WDR70: variants seen among roughly 807,000 people sequenced by gnomAD.
The protein encoded by WDR70 is WD repeat-containing protein 70.
WDR70 carries 53 observed loss-of-function variants against 88.6 expected under a neutral mutation model. The observed-to-expected ratio is 0.60, with a 90% CI of 0.48 to 0.75. WDR70 has a LOEUF of 0.75. Ranked by LOEUF, WDR70 falls within the 30% of genes least tolerant of loss-of-function variation. The probability of loss-of-function intolerance (pLI) is 0.00; values close to 1 mark genes in which losing one functional copy is unlikely to be tolerated. For synonymous variants in WDR70, 280 were observed against 270.0 expected (o/e 1.04, Z -0.36); for missense variants, 610 against 823.2 (o/e 0.74, Z 3.17).
Position 37,396,338 on chromosome 5 carries a change from C to T in WDR70, c.297-37C>T. The T allele has an allele frequency of 2.6e-6, 4 of 1,554,300 alleles. No individual in the cohort carries two copies. In the South Asian group the frequency reaches 3.8e-5, roughly 15 times the overall value. On this transcript the variant is annotated intron_variant, in intron 4 of 17. Transcript: ENST00000265107. The stretch of plus-strand genomic sequence containing the variant: ...TATTTCCAAAGTGTGCTCTTCATTG[C>T]AGCAGAGGCAAAGAGTTTCTGTTTC...
chr5:37,676,376 A>G (rs559721385), intron 10 of WDR70, among the ~76,000 whole-genome samples: 1 of 152,116 alleles, frequency 6.6e-6, no homozygotes, highest in African/African-American at 2.4e-5. Flanking sequence ...TGGGTTTGTC[A>G]TAGATAGCTC....
intron 17 of WDR70, among the ~76,000 whole-genome samples, chr5:37,743,802 C>T (rs1748560909): frequency 6.6e-6 from 1 of 152,184 alleles, no homozygotes; most frequent in African/African-American, 2.4e-5. Flanking sequence ...GGAGGGGTGG[C>T]CTTAGTCTTT....
intron 9 of WDR70, among the ~76,000 whole-genome samples, chr5:37,556,391 A>G (rs1742296444): frequency 6.6e-6 from 1 of 152,100 alleles, no homozygotes. Flanking sequence ...TGTTTGAAAA[A>G]GCTAATTTAT....
intron 10 of WDR70, among the ~76,000 whole-genome samples, chr5:37,635,336 C>T (rs1744927175): frequency 6.6e-6 from 1 of 152,162 alleles, no homozygotes; most frequent in South Asian, 2.1e-4. Context: ...GAGCACTGTA[C>T]TAACTTTTGT....
At chr5:37,695,456 G>T (rs775326862) in intron 10 of WDR70, among the ~76,000 whole-genome samples, 1 of 152,150 alleles carries the variant, frequency 6.6e-6, no homozygotes. Context: ...CTATAGGTAA[G>T]AAGTCTGGCA....
chr5:37,749,840 AC>A (rs869056467), intron 17 of WDR70, among the ~76,000 whole-genome samples: 5 of 150,328 alleles, frequency 3.3e-5, no homozygotes, highest in African/African-American at 7.3e-5. Context: ...GAAAAAAAAA[AC>A]CAAAAACGCA....
chr5:37,411,303 G>A (rs1749513808), intron 5 of WDR70, among the ~76,000 whole-genome samples: 1 of 152,130 alleles, frequency 6.6e-6, no homozygotes, highest in South Asian at 2.1e-4. Context: ...AGATCTTAAA[G>A]GTTCAGTTTG....
chr5:37,417,813 C>A (rs910376959), intron 5 of WDR70, among the ~76,000 whole-genome samples: 1 of 152,146 alleles, frequency 6.6e-6, no homozygotes, highest in African/African-American at 2.4e-5. Flanking sequence ...TCGCAAAGTC[C>A]TGGGATTATA....
At chr5:37,494,658 T>C (rs1740164404) in intron 8 of WDR70, among the ~76,000 whole-genome samples, 1 of 152,236 alleles carries the variant, frequency 6.6e-6, no homozygotes, top group Non-Finnish European at 1.5e-5. Flanking sequence ...TAAATATTTG[T>C]GAAATCAGTA....
At chr5:37,562,252 G>T (rs564188724) in intron 9 of WDR70, among the ~76,000 whole-genome samples, 11 of 152,262 alleles carry the variant, frequency 7.2e-5, no homozygotes, top group African/African-American at 2.6e-4. Context: ...AGCTACTTGG[G>T]AGGCTAAGGC....
chr5:37,423,152 AT>A (rs1749998858), intron 5 of WDR70, among the ~76,000 whole-genome samples: 1 of 152,126 alleles, frequency 6.6e-6, no homozygotes, highest in Non-Finnish European at 1.5e-5. Flanking sequence ...TTCAAAGTAA[AT>A]TATGTCATAT....
chr5:37,608,135 G>A (rs376664298), intron 10 of WDR70, among the ~76,000 whole-genome samples: 2 of 147,604 alleles, frequency 1.4e-5, no homozygotes, highest in Admixed American at 6.9e-5. Flanking sequence ...TCCACCTCCC[G>A]GATTCAAGTG....
intron 13 of WDR70, among the ~76,000 whole-genome samples, chr5:37,715,139 A>T (rs1272001001): frequency 6.6e-6 from 1 of 152,164 alleles, no homozygotes; most frequent in Non-Finnish European, 1.5e-5. Context: ...GCCAGTTTTT[A>T]AAATGCATAA....
rs539993464 is a variant in WDR70 at position 37,745,538 on chromosome 5, A to G, written c.1878-6948A>G. Among the ~76,000 whole-genome samples the G allele has an allele frequency of 5.5e-3, 836 of 152,068 alleles. 10 individuals are homozygous for G. Among genetic ancestry groups the G allele is most frequent in the African/African-American group, 0.019 (798 of 41,432 alleles). ...GTGCTGTATTCAGGAGCCCCATCTT[A>G]TGTGCAAAGACACACACAGGCTCAA... On this transcript the variant is annotated intron_variant, in intron 17 of 17. Transcript: ENST00000265107.
At chr5:37,651,150 CCCCT>C (rs1745400202) in intron 10 of WDR70, among the ~76,000 whole-genome samples, 1 of 151,920 alleles carries the variant, frequency 6.6e-6, no homozygotes, top group Admixed American at 6.6e-5. Flanking sequence ...GTATGATGTT[CCCCT>C]CCCTCTGTCC....
chr5:37,568,150 C>T (rs1314688160), intron 9 of WDR70, among the ~76,000 whole-genome samples: 2 of 152,116 alleles, frequency 1.3e-5, no homozygotes, highest in Non-Finnish European at 2.9e-5. Context: ...GCCCTACCCA[C>T]CCATCCACCC....
chr5:37,740,267 T>G (rs973390212), intron 17 of WDR70, among the ~76,000 whole-genome samples: 17 of 152,208 alleles, frequency 1.1e-4, no homozygotes, highest in African/African-American at 4.1e-4. Context: ...CCTAGATAGC[T>G]CTGAATTGAG....
intron 8 of WDR70, among the ~76,000 whole-genome samples, chr5:37,495,481 T>TGTGTGC (rs1740190147): frequency 6.6e-6 from 1 of 152,026 alleles, no homozygotes; most frequent in Non-Finnish European, 1.5e-5. Flanking sequence ...TCTCTCTGTG[T>TGTGTGC]GTGTGCGTGT....
chr5:37,581,548 G>T (rs1325027866), intron 9 of WDR70, among the ~76,000 whole-genome samples: 1 of 151,972 alleles, frequency 6.6e-6, no homozygotes, highest in Non-Finnish European at 1.5e-5. Context: ...ACAAGTCCAA[G>T]CAGAACCTAA....
Sources: gnomAD v4.1 joint callset for allele counts (sites outside exome capture counted in the v4.1 genomes callset) on GRCh38, gnomAD v4.1.1 for gene constraint, MANE v1.5 for transcripts, NCBI Gene and HGNC (gene_info 2026-07-23, HGNC 2026-07-21) for gene names.